The following CREB5 variants were observed in gnomAD, a reference collection of about 807,000 sequenced individuals.
The protein encoded by CREB5 is cyclic AMP-responsive element-binding protein 5.
Under a neutral mutation model 57.1 loss-of-function variants are expected in CREB5, and 19 were observed. The ratio of observed to expected loss-of-function variants is 0.33; its 90% CI spans 0.23 to 0.49. CREB5 has a LOEUF of 0.49. Among genes scored for constraint, CREB5 ranks in the 20% least tolerant of loss-of-function variants. The probability of loss-of-function intolerance (pLI) is 0.99; values close to 1 mark genes in which losing one functional copy is unlikely to be tolerated. For synonymous variants in CREB5, 238 were observed against 238.3 expected (o/e 1.00, Z 0.01); for missense variants, 579 against 671.6 (o/e 0.86, Z 1.52).
chr7:28,495,007 G>A lies in CREB5; in HGVS notation c.169+8G>A. On this transcript the variant is annotated splice_region_variant and intron_variant, in intron 3 of 10. Coordinates refer to ENST00000357727, the MANE Select transcript of CREB5 (RefSeq NM_182898.4). ...CAGACAATATGTTATCAGGTAAGGA[G>A]CCATCAGGAAAAGAAGCTTTGGGTG... 9.5e-6 allele frequency: 15 copies of A among 1,579,788 alleles called. No individual in the cohort carries two copies. Among genetic ancestry groups the A allele is most frequent in the Non-Finnish European group, 1.3e-5 (15 of 1,167,502 alleles).
chr7:28,442,508 T>C (rs1352523761), intron 1 of CREB5, among the ~76,000 whole-genome samples: 1 of 152,190 alleles, frequency 6.6e-6, no homozygotes, highest in Non-Finnish European at 1.5e-5. Context: ...TTTTTTTTGT[T>C]TGTTTTTTGA....
rs560531246 is a variant in CREB5, at chr7:28,317,045, A to T, written c.-25+17604A>T. 1.3e-4 allele frequency among the ~76,000 whole-genome samples: 20 copies of T among 150,656 alleles called. No homozygotes were observed. In the South Asian group the frequency reaches 1.7e-3, roughly 13 times the overall value. On this transcript the variant is annotated intron_variant, in intron 1 of 9. Transcript: ENST00000396299. ...GTCTTCTCTGGCTGGCATACTTGAT[A>T]CTTATAGAACTGACGCCCACATAGG... is the stretch of plus-strand genomic sequence containing the variant.
intron 7 of CREB5, among the ~76,000 whole-genome samples, chr7:28,745,185 C>T (rs931222785): frequency 6.6e-6 from 1 of 152,172 alleles, no homozygotes; most frequent in Non-Finnish European, 1.5e-5. Flanking sequence ...GTTGTAGTCG[C>T]TCTTTCAATG....
In CREB5 at chr7:28,804,336, GC is replaced by G; in HGVS notation, c.841del (p.His281ThrfsTer90). The G allele has an allele frequency of 6.2e-7, 1 of 1,613,604 alleles. No homozygotes were observed. The highest frequency in any genetic ancestry group is 8.5e-7 in the Non-Finnish European group (1 of 1,179,794). ...ATCACATGCACTCGCACCCGCATCAGCACCAGACACTGCCACCCCATCACCC... is the reference window on the plus strand; with the variant it reads ...ATCACATGCACTCGCACCCGCATCAGACCAGACACTGCCACCCCATCACCC... Reference protein sequence around the residue: ...HHHMHSHPHQHQTLPPHHPYP... With the variant: ...HHHMHSHPHQXQTLPPHHPYP... On this transcript the variant is annotated frameshift_variant, in exon 8 of 11. Transcript: ENST00000357727. LOFTEE classifies it high-confidence loss of function.
At chr7:28,385,264 T>C (rs7805067) in intron 1 of CREB5, among the ~76,000 whole-genome samples, 65,712 of 151,962 alleles carry the variant, frequency 0.43, 14,928 homozygotes, top group Middle Eastern at 0.52. Flanking sequence ...GTCATATTTT[T>C]ACAAAAAAAA....
At chr7:28,378,940 A>C (rs1438091892) in intron 1 of CREB5, among the ~76,000 whole-genome samples, 1 of 152,226 alleles carries the variant, frequency 6.6e-6, no homozygotes, top group Non-Finnish European at 1.5e-5. Context: ...AAAGAAGGAA[A>C]TGTGACTGGC....
At position 28,545,919 on chromosome 7, in the gene CREB5, T is replaced by A. The variant is rs150517941; in HGVS notation, c.292-24446T>A. On this transcript the variant is annotated intron_variant, in intron 4 of 10. Transcript: ENST00000357727. Reference sequence around the variant, plus strand: ...TTCTTTTTGTTGCACACTTCTTCATTGCTTCTAACTGCTCTGCAGCATTCC... The same window carrying A: ...TTCTTTTTGTTGCACACTTCTTCATAGCTTCTAACTGCTCTGCAGCATTCC... Among the ~76,000 whole-genome samples the A allele has an allele frequency of 4.1e-3, 626 of 152,344 alleles. 7 individuals carry two copies. The highest frequency in any genetic ancestry group is 0.014 in the African/African-American group (585 of 41,580).
intron 5 of CREB5, among the ~76,000 whole-genome samples, chr7:28,572,586 C>T (rs142432030): frequency 2.6e-5 from 4 of 152,154 alleles, no homozygotes; most frequent in Admixed American, 6.5e-5. Flanking sequence ...TTCCTTCCCC[C>T]CTGGAGTTCT....
intron 1 of CREB5, among the ~76,000 whole-genome samples, chr7:28,442,626 T>C (rs1789242007): frequency 6.6e-6 from 1 of 152,230 alleles, no homozygotes. Context: ...GTGTTAACTT[T>C]TTGTCTTTTC....
At chr7:28,564,227 G>A (rs1583636811) in intron 4 of CREB5, among the ~76,000 whole-genome samples, 1 of 152,208 alleles carries the variant, frequency 6.6e-6, no homozygotes, top group Non-Finnish European at 1.5e-5. Flanking sequence ...TGCGAGTTAA[G>A]ATGACCCTGG....
At chr7:28,692,130 G>T (rs539737808) in intron 5 of CREB5, among the ~76,000 whole-genome samples, 1 of 151,342 alleles carries the variant, frequency 6.6e-6, no homozygotes, top group East Asian at 2.0e-4. Flanking sequence ...AGGTTGCAGT[G>T]AGCCAAGATC....
At chr7:28,560,937 C>CGT (rs368310579) in intron 4 of CREB5, among the ~76,000 whole-genome samples, 7 of 35,548 alleles carry the variant, frequency 2.0e-4, no homozygotes, top group African/African-American at 3.3e-4. Context: ...TGCGTGTGTG[C>CGT]GTGCGTGTGT....
At chr7:28,302,254 T>G (rs555016357) in intron 1 of CREB5, among the ~76,000 whole-genome samples, 1 of 151,350 alleles carries the variant, frequency 6.6e-6, no homozygotes, top group Non-Finnish European at 1.5e-5. Context: ...ATTTGAGGGT[T>G]TTTTTGGACT....
intron 5 of CREB5, among the ~76,000 whole-genome samples, chr7:28,674,524 T>C (rs1800227171): frequency 6.6e-6 from 1 of 152,204 alleles, no homozygotes; most frequent in African/African-American, 2.4e-5. Context: ...GCCTATGGCC[T>C]TAAAGAAAGT....
At chr7:28,690,215 C>G (rs969939964) in intron 5 of CREB5, among the ~76,000 whole-genome samples, 1 of 152,152 alleles carries the variant, frequency 6.6e-6, no homozygotes, top group Admixed American at 6.5e-5. Context: ...ACAGGGGTCC[C>G]TGGGGCTGTG....
At chr7:28,405,053 C>T (rs1393814512) in intron 1 of CREB5, among the ~76,000 whole-genome samples, 1 of 152,200 alleles carries the variant, frequency 6.6e-6, no homozygotes, top group Non-Finnish European at 1.5e-5. Flanking sequence ...AGGGTTGGCA[C>T]AGAGCAAATG....
chr7:28,713,963 T>G (rs1247370429), intron 5 of CREB5, among the ~76,000 whole-genome samples: 1 of 152,204 alleles, frequency 6.6e-6, no homozygotes, highest in Non-Finnish European at 1.5e-5. Context: ...ATTTGTTTTC[T>G]GTTTTTCGGT....
chr7:28,800,633 C>G (rs181722397), intron 7 of CREB5, among the ~76,000 whole-genome samples: 87 of 152,284 alleles, frequency 5.7e-4, no homozygotes, highest in African/African-American at 1.9e-3. Context: ...ATGCTGAGCC[C>G]TGGACAATCC....
chr7:28,808,411 A>G (rs1808881034), intron 8 of CREB5, among the ~76,000 whole-genome samples: 1 of 152,238 alleles, frequency 6.6e-6, no homozygotes, highest in South Asian at 2.1e-4. Flanking sequence ...ATTAGAATGA[A>G]AGGAGCCCAC....
Sources: gnomAD v4.1 joint callset for allele counts (sites outside exome capture counted in the v4.1 genomes callset) on GRCh38, gnomAD v4.1.1 for gene constraint, MANE v1.5 for transcripts, NCBI Gene and HGNC (gene_info 2026-07-23, HGNC 2026-07-21) for gene names.